DCC: variants seen among roughly 807,000 people sequenced by gnomAD.
DCC encodes the protein netrin receptor DCC.
In DCC, 58 loss-of-function variants were observed where a neutral mutation model predicts 172.5. The ratio of observed to expected loss-of-function variants is 0.34; its 90% CI spans 0.27 to 0.42. The LOEUF (loss-of-function observed/expected upper bound fraction) is 0.42. Among genes scored for constraint, DCC ranks in the 10% least tolerant of loss-of-function variants. The pLI, the probability that DCC is intolerant of heterozygous loss-of-function variation, is 1.00. For missense variants in DCC, 1,740 were observed against 1,791.0 expected (o/e 0.97, Z 0.51); for synonymous variants, 709 against 644.5 (o/e 1.10, Z -1.52).
chr18:53,193,749 C>T (rs974741001), intron 9 of DCC, among the ~76,000 whole-genome samples: 30 of 152,246 alleles, frequency 2.0e-4, no homozygotes, highest in African/African-American at 7.2e-4. Flanking sequence ...TTTATATTCC[C>T]TCCCAAAAGA....
At chr18:53,467,825 C>T in intron 24 of DCC, 69 bp from the exon 25 acceptor site, 1 of 833,032 alleles carries the variant, frequency 1.2e-6, no homozygotes, top group Non-Finnish European at 2.1e-6. Context: ...ATTGGAATGC[C>T]TGCTAGAAAT....
At position 53,134,770 on chromosome 18, in the gene DCC, T is replaced by C. The variant is rs113061955; in HGVS notation, c.1262-22586T>C. On this transcript the variant is annotated intron_variant, in intron 7 of 28. Coordinates refer to ENST00000442544, the MANE Select transcript of DCC (RefSeq NM_005215.4). The stretch of plus-strand genomic sequence containing the variant: ...TCCATTCACTTGTACCTAGAGGTTT[T>C]AAAAGACAGACACATTAAACCTGTG... Among the ~76,000 whole-genome samples, 1,494 of 152,296 alleles carry C rather than the reference T, an allele frequency of 9.8e-3. 33 individuals carry two copies. Among genetic ancestry groups the C allele is most frequent in the African/African-American group, 0.033 (1,388 of 41,562 alleles).
chr18:52,468,166 A>G (rs1200802095), intron 1 of DCC, among the ~76,000 whole-genome samples: 2 of 152,240 alleles, frequency 1.3e-5, no homozygotes, highest in African/African-American at 4.8e-5. Context: ...AGCAGCTCGT[A>G]GTCTAGTGGT....
chr18:53,416,855 G>A (rs1294678027), intron 21 of DCC, among the ~76,000 whole-genome samples: 1 of 152,184 alleles, frequency 6.6e-6, no homozygotes, highest in Admixed American at 6.6e-5. Flanking sequence ...TTTGTAGACT[G>A]ATTGATAAAT....
intron 1 of DCC, among the ~76,000 whole-genome samples, chr18:52,602,540 T>A (rs1276447767): frequency 2.6e-5 from 4 of 152,044 alleles, no homozygotes; most frequent in Admixed American, 6.6e-5. Flanking sequence ...AAATAACTCA[T>A]AAGTTTAATA....
intron 15 of DCC, among the ~76,000 whole-genome samples, chr18:53,352,702 G>A (rs761100305): frequency 2.0e-5 from 3 of 152,068 alleles, no homozygotes; most frequent in Non-Finnish European, 4.4e-5. Context: ...TAATCAAAGT[G>A]TTTAGACCAT....
At chr18:52,878,850 T>C (rs2039439906) in intron 2 of DCC, among the ~76,000 whole-genome samples, 1 of 152,220 alleles carries the variant, frequency 6.6e-6, no homozygotes, top group Non-Finnish European at 1.5e-5. Flanking sequence ...GTCTCAAATA[T>C]ATTTGATACT....
At chr18:53,068,565 T>C (rs577042439) in intron 7 of DCC, among the ~76,000 whole-genome samples, 125 of 152,106 alleles carry the variant, frequency 8.2e-4, no homozygotes, top group Non-Finnish European at 1.5e-3. Context: ...CAATGCAAGA[T>C]AAGTGACTTC....
intron 2 of DCC, among the ~76,000 whole-genome samples, chr18:52,900,986 A>G (rs2039801170): frequency 6.6e-6 from 1 of 152,256 alleles, no homozygotes; most frequent in South Asian, 2.1e-4. Context: ...CTTACTAAAC[A>G]ACAAAGTGTA....
At chr18:52,553,010 G>C (rs536117222) in intron 1 of DCC, among the ~76,000 whole-genome samples, 11 of 152,112 alleles carry the variant, frequency 7.2e-5, no homozygotes, top group Admixed American at 2.0e-4. Context: ...GGGTTTAAAG[G>C]TTCAAAGGGA....
intron 1 of DCC, among the ~76,000 whole-genome samples, chr18:52,516,792 C>T (rs567151772): frequency 6.6e-6 from 1 of 152,122 alleles, no homozygotes; most frequent in South Asian, 2.1e-4. Context: ...ATTATATTGT[C>T]TTTTGAGAAG....
chr18:52,627,142 A>G (rs2034589892), intron 1 of DCC, among the ~76,000 whole-genome samples: 1 of 152,186 alleles, frequency 6.6e-6, no homozygotes, highest in South Asian at 2.1e-4. Flanking sequence ...AGATGTCCTC[A>G]AGTAGAGCCC....
intron 2 of DCC, among the ~76,000 whole-genome samples, chr18:52,759,590 A>G (rs1275284283): frequency 6.6e-6 from 1 of 152,178 alleles, no homozygotes; most frequent in African/African-American, 2.4e-5. Flanking sequence ...CAAGAGAAAC[A>G]TCTAACACAA....
intron 1 of DCC, among the ~76,000 whole-genome samples, chr18:52,358,315 G>A (rs1381349199): frequency 2.6e-5 from 4 of 152,176 alleles, no homozygotes; most frequent in African/African-American, 9.7e-5. Context: ...TCTGCTTATT[G>A]AGATGGTCTT....
chr18:52,948,794 T>C (rs1374452818), intron 5 of DCC, among the ~76,000 whole-genome samples: 1 of 152,208 alleles, frequency 6.6e-6, no homozygotes, highest in Non-Finnish European at 1.5e-5. Flanking sequence ...CATTTACATA[T>C]ATCATTTCCT....
chr18:52,593,206 T>C (rs1450638205), intron 1 of DCC, among the ~76,000 whole-genome samples: 1 of 152,228 alleles, frequency 6.6e-6, no homozygotes, highest in Non-Finnish European at 1.5e-5. Context: ...AAGCTTCTTC[T>C]CTGAACCATT....
intron 5 of DCC, among the ~76,000 whole-genome samples, chr18:52,978,156 G>T (rs1336082488): frequency 6.6e-6 from 1 of 151,918 alleles, no homozygotes; most frequent in African/African-American, 2.4e-5. Context: ...TGATGGTTTT[G>T]CCATTGAAAA....
In DCC at chr18:53,305,591, G is replaced by C; in HGVS notation, c.1925G>C (p.Ser642Thr). 6.2e-7 allele frequency: 1 copy of C among 1,612,592 alleles called. No individual in the cohort carries two copies. The highest frequency in any genetic ancestry group is 8.5e-7 in the Non-Finnish European group (1 of 1,178,734). Residue 642 changes from serine (S) to threonine (T), a missense_variant, in exon 13 of 29, where the codon AGC becomes ACC. Ser to Thr is a moderately conservative substitution (Grantham distance 58). Transcript: ENST00000442544. ...ATTATTTTACAGAGTATCAAAGTTA[G>C]CTGGCTGCCTCCTCCATCAGGAACA... ...EVVNSRSIKV[S>T]WLPPPSGTQN...
intron 12 of DCC, among the ~76,000 whole-genome samples, chr18:53,298,817 G>A (rs139877663): frequency 4.6e-5 from 7 of 152,162 alleles, no homozygotes; most frequent in African/African-American, 1.7e-4. Context: ...AAGAGAATAG[G>A]AGAAATTAGA....
Sources: allele counts gnomAD v4.1 joint callset (sites outside exome capture counted in the v4.1 genomes callset), GRCh38; gene constraint gnomAD v4.1.1; transcripts MANE v1.5; gene names NCBI Gene and HGNC (gene_info 2026-07-23, HGNC 2026-07-21).